ZNF469: variants seen among roughly 807,000 people sequenced by gnomAD.
ZNF469 encodes the protein zinc finger protein 469.
A neutral mutation model predicts 1.0 loss-of-function variants in ZNF469; 1 was observed. The observed-to-expected ratio is 1.00, with a 90% CI of 0.35 to 4.73. The LOEUF is 4.73. Among genes scored for constraint, ZNF469 ranks in the 30% most tolerant of loss-of-function variants. The pLI is 0.16. For synonymous variants in ZNF469, 2,703 were observed against 2,363.4 expected (o/e 1.14, Z -4.17); for missense variants, 6,100 against 5,356.3 (o/e 1.14, Z -4.33).
At chr16:88,129,396 GA>G in the ZNF469 span, among the ~76,000 whole-genome samples, 1 of 152,156 alleles carries the variant, frequency 6.6e-6, no homozygotes, top group Admixed American at 6.5e-5. Context: ...CGAGAAGACA[GA>G]ACTCATTGTC....
chr16:88,156,847 C>T, the ZNF469 span, among the ~76,000 whole-genome samples: 50 of 152,052 alleles, frequency 3.3e-4, no homozygotes, highest in African/African-American at 1.2e-3. Flanking sequence ...TGTTGCCATG[C>T]CAACAACAGC....
the ZNF469 span, among the ~76,000 whole-genome samples, chr16:88,117,102 G>A: frequency 6.6e-6 from 1 of 152,130 alleles, no homozygotes; most frequent in African/African-American, 2.4e-5. Context: ...GGTGTGGCTG[G>A]GTGGGAGTGA....
chr16:88,283,172 A>T, the ZNF469 span, among the ~76,000 whole-genome samples: 1 of 151,966 alleles, frequency 6.6e-6, no homozygotes, highest in South Asian at 2.1e-4. Context: ...TGGGGAGGGG[A>T]CTGGGAAGGA....
the ZNF469 span, among the ~76,000 whole-genome samples, chr16:88,216,151 C>T: frequency 1.3e-5 from 2 of 151,960 alleles, no homozygotes; most frequent in African/African-American, 4.8e-5. Context: ...AGATGATTTT[C>T]GCTAGGCATA....
chr16:88,412,416 T>C (rs892374140), intron 1 of ZNF469, among the ~76,000 whole-genome samples: 4 of 152,070 alleles, frequency 2.6e-5, no homozygotes, highest in Admixed American at 1.3e-4. Flanking sequence ...GCTGTGTGAC[T>C]GCAGGCACCT....
Position 88,431,600 on chromosome 16 carries a change from G to T in ZNF469, c.4130G>T (p.Ser1377Ile). 1.3e-6 allele frequency: 2 copies of T among 1,550,472 alleles called. No homozygotes were observed. Among genetic ancestry groups the T allele is most frequent in the Non-Finnish European group, 1.7e-6 (2 of 1,146,990 alleles). ...GCCAAAAAGGGGCCTCAGCCCTACA[G>T]CAGCCCCCACAGTGAGTTGTTCCTC... ...PVAKKGPQPY[S>I]SPHSELFLGP... Residue 1377 changes from serine (S) to isoleucine (I), a missense_variant, in exon 3 of 3, where the codon AGC (serine) becomes ATC (isoleucine). Physicochemically the swap from Ser to Ile is moderately radical, Grantham distance 142. Transcript: ENST00000565624.
the ZNF469 span, among the ~76,000 whole-genome samples, chr16:88,198,170 G>C: frequency 3.3e-5 from 5 of 152,344 alleles, no homozygotes; most frequent in African/African-American, 1.2e-4. Flanking sequence ...CCATCATGGA[G>C]CCTGCATTGC....
rs1197037223 is a variant in ZNF469, at chr16:88,435,000, G to A, written c.7530G>A (p.Leu2510=). ...CCGCGGAGCCGAGCCCAGCGGCCTT[G>A]CCTGCTCAGCAGCCTCTAGAGCCCC... ...GAPAEPSPAA[L]PAQQPLEPLA... The change falls in exon 3 of 3, where the codon TTG becomes TTA. Residue 2510 remains leucine, a synonymous_variant. Transcript: ENST00000565624. 1.3e-6 allele frequency: 2 copies of A among 1,550,302 alleles called. No homozygotes were observed. The highest frequency in any genetic ancestry group is 8.7e-7 in the Non-Finnish European group (1 of 1,146,988).
chr16:88,229,902 C>T, the ZNF469 span, among the ~76,000 whole-genome samples: 8 of 152,158 alleles, frequency 5.3e-5, no homozygotes, highest in Non-Finnish European at 7.3e-5. Flanking sequence ...CTCCCAGGGG[C>T]ACGGGGCCAG....
At chr16:88,161,911 A>G in the ZNF469 span, among the ~76,000 whole-genome samples, 1 of 152,214 alleles carries the variant, frequency 6.6e-6, no homozygotes, top group Non-Finnish European at 1.5e-5. Flanking sequence ...TAAGTTGGAT[A>G]TATTTATATT....
At chr16:88,394,870 A>C (rs1045111206) in intron 1 of ZNF469, among the ~76,000 whole-genome samples, 2 of 151,852 alleles carry the variant, frequency 1.3e-5, no homozygotes. Flanking sequence ...ACCTGGGCCC[A>C]CCACTGGGCA....
upstream of ZNF469, among the ~76,000 whole-genome samples, chr16:88,382,350 C>G (rs2092527408): frequency 6.6e-6 from 1 of 152,244 alleles, no homozygotes; most frequent in African/African-American, 2.4e-5. Flanking sequence ...GGGCCTCTCC[C>G]TCTCTAGGGG....
chr16:88,423,708 C>T (rs1397944187), intron 1 of ZNF469, among the ~76,000 whole-genome samples: 1 of 152,178 alleles, frequency 6.6e-6, no homozygotes, highest in East Asian at 1.9e-4. Flanking sequence ...AAGATGGCTC[C>T]CTCACACAGC....
chr16:88,432,528 C>G lies in ZNF469; in HGVS notation c.5058C>G (p.Ser1686Arg). The G allele has an allele frequency of 3.2e-6, 5 of 1,550,366 alleles. No homozygotes were observed. The highest frequency in any genetic ancestry group is 4.4e-6 in the Non-Finnish European group (5 of 1,146,972). ...QEDLVSGAPF[S>R]PRGANFHFQP... ...ACCTGGTTTCTGGGGCTCCTTTCAG[C>G]CCCAGGGGAGCCAACTTCCATTTTC... The change falls in exon 3 of 3, where the codon AGC (serine) becomes AGG (arginine). Residue 1686 changes from serine (S) to arginine (R), a missense_variant. Ser to Arg is a moderately radical substitution (Grantham distance 110, BLOSUM62 -1). Coordinates refer to ENST00000565624, the MANE Select transcript of ZNF469 (RefSeq NM_001367624.2).
chr16:88,129,941 T>G, the ZNF469 span, among the ~76,000 whole-genome samples: 6 of 152,202 alleles, frequency 3.9e-5, no homozygotes, highest in African/African-American at 7.2e-5. Flanking sequence ...TGCTTTGGTC[T>G]TTGGTTTGGA....
chr16:88,347,446 G>A, the ZNF469 span, among the ~76,000 whole-genome samples: 12 of 152,090 alleles, frequency 7.9e-5, no homozygotes, highest in African/African-American at 2.9e-4. Context: ...GTAGACACCC[G>A]GAGGAGACAG....
At chr16:88,340,225 CA>C in the ZNF469 span, among the ~76,000 whole-genome samples, 1 of 152,182 alleles carries the variant, frequency 6.6e-6, no homozygotes, top group African/African-American at 2.4e-5. Flanking sequence ...ACCTGCAGAG[CA>C]GGGGGAGCCT....
intron 1 of ZNF469, among the ~76,000 whole-genome samples, chr16:88,409,761 A>G (rs554559445): frequency 3.3e-5 from 5 of 151,178 alleles, no homozygotes; most frequent in Middle Eastern, 3.4e-3. Flanking sequence ...GGGCCCACAC[A>G]TGCGGGCAGG....
chr16:88,292,652 C>T, the ZNF469 span, among the ~76,000 whole-genome samples: 3 of 151,964 alleles, frequency 2.0e-5, no homozygotes, highest in Non-Finnish European at 4.4e-5. Context: ...AGCCAGGCCT[C>T]GGTGGCCTTG....
Sources: allele counts gnomAD v4.1 joint callset (sites outside exome capture counted in the v4.1 genomes callset), GRCh38; gene constraint gnomAD v4.1.1; transcripts MANE v1.5; gene names NCBI Gene and HGNC (gene_info 2026-07-23, HGNC 2026-07-21).